PLXNC1: variants seen among roughly 807,000 people sequenced by gnomAD.
The protein encoded by PLXNC1 is plexin-C1.
A neutral mutation model predicts 178.2 loss-of-function variants in PLXNC1; 75 were observed. The ratio of observed to expected loss-of-function variants is 0.42; its 90% CI spans 0.35 to 0.51. The LOEUF (loss-of-function observed/expected upper bound fraction) is 0.51. PLXNC1 is among the 20% of genes least tolerant of loss of function. The probability of loss-of-function intolerance (pLI) is 0.02; values close to 1 mark genes in which losing one functional copy is unlikely to be tolerated. For missense variants in PLXNC1, 1,503 were observed against 1,984.4 expected (o/e 0.76, Z 4.61); for synonymous variants, 790 against 779.9 (o/e 1.01, Z -0.22).
intron 10 of PLXNC1, among the ~76,000 whole-genome samples, chr12:94,239,387 C>G (rs974635337): frequency 6.6e-6 from 1 of 152,230 alleles, no homozygotes; most frequent in Non-Finnish European, 1.5e-5. Context: ...TGTTCAACCA[C>G]TTTATGATAA....
chr12:94,262,719 A>T, intron 20 of PLXNC1: 2 of 985,402 alleles, frequency 2.0e-6, no homozygotes, highest in Non-Finnish European at 2.4e-6. Flanking sequence ...CTCCTGTCCT[A>T]CCCCACAGAC....
At chr12:94,272,714 G>A (rs1173091379) in intron 21 of PLXNC1, among the ~76,000 whole-genome samples, 1 of 152,206 alleles carries the variant, frequency 6.6e-6, no homozygotes, top group African/African-American at 2.4e-5. Flanking sequence ...GGAGCATACT[G>A]GCCACACCTG....
At chr12:94,171,263 G>A (rs1961833647) in intron 2 of PLXNC1, among the ~76,000 whole-genome samples, 1 of 152,150 alleles carries the variant, frequency 6.6e-6, no homozygotes, top group Non-Finnish European at 1.5e-5. Context: ...CCGAAGTCTC[G>A]CTCTCCTCAG....
intron 2 of PLXNC1, among the ~76,000 whole-genome samples, chr12:94,172,357 G>A (rs1180978567): frequency 6.6e-6 from 1 of 152,116 alleles, no homozygotes; most frequent in Non-Finnish European, 1.5e-5. Context: ...AGCAATTGGG[G>A]CCCAACTGCT....
chr12:94,239,367 T>C (rs879304127), intron 10 of PLXNC1, among the ~76,000 whole-genome samples: 2 of 152,266 alleles, frequency 1.3e-5, no homozygotes, highest in Non-Finnish European at 2.9e-5. Flanking sequence ...TAAACAAGTT[T>C]GAATTTTAAT....
intron 5 of PLXNC1, among the ~76,000 whole-genome samples, chr12:94,216,025 G>A (rs1160846202): frequency 6.6e-6 from 1 of 152,146 alleles, no homozygotes; most frequent in East Asian, 1.9e-4. Context: ...CAGCAGTTTG[G>A]GGACTGAGGC....
intron 2 of PLXNC1, among the ~76,000 whole-genome samples, chr12:94,177,539 A>AAGAGAAAG (rs1282411586): frequency 6.6e-6 from 1 of 151,570 alleles, no homozygotes; most frequent in African/African-American, 2.4e-5. Flanking sequence ...GAAAGAAAGA[A>AAGAGAAAG]AGAGAGAGAA....
At chr12:94,245,638 A>G (rs191831711) in intron 12 of PLXNC1, among the ~76,000 whole-genome samples, 55 of 152,302 alleles carry the variant, frequency 3.6e-4, no homozygotes, top group African/African-American at 1.2e-3. Flanking sequence ...CACATTAAAG[A>G]GAAATTAAAC....
chr12:94,248,702 A>G (rs1419457250), intron 14 of PLXNC1, among the ~76,000 whole-genome samples: 1 of 152,166 alleles, frequency 6.6e-6, no homozygotes, highest in Non-Finnish European at 1.5e-5. Context: ...AGGATCGGCA[A>G]GCAAAATCTC....
chr12:94,284,585 T>C (rs1044041706), intron 23 of PLXNC1, among the ~76,000 whole-genome samples: 4 of 152,112 alleles, frequency 2.6e-5, no homozygotes, highest in Admixed American at 6.6e-5. Context: ...TTCTATCCTA[T>C]AGCAGTCCTA....
rs761274013 is a variant in PLXNC1, at chr12:94,259,583, T to C, written c.3127-27T>C. 6.0e-6 allele frequency: 9 copies of C among 1,503,980 alleles called. No homozygotes were observed. In the Admixed American group the frequency reaches 6.2e-5, roughly 10 times the overall value. The allele number at this position is 1,503,980 out of a possible 1,614,324, so 93.2% of individuals were successfully genotyped here. A position where few individuals can be genotyped will look rare whatever the true frequency, so the allele number is the denominator to read the frequency against. On this transcript the variant is annotated intron_variant, in intron 18 of 30. Transcript: ENST00000258526. Reference sequence around the variant, plus strand: ...TAAACTTATATATGATTTTGTATTATACTATATATTTTTTTCTTTTTATCA... The same window carrying C: ...TAAACTTATATATGATTTTGTATTACACTATATATTTTTTTCTTTTTATCA...
intron 17 of PLXNC1, among the ~76,000 whole-genome samples, chr12:94,257,800 G>C (rs1301754947): frequency 2.0e-5 from 3 of 152,150 alleles, no homozygotes; most frequent in Non-Finnish European, 2.9e-5. Flanking sequence ...CCAGCTACTC[G>C]GGAGGCTGAG....
chr12:94,197,207 C>T (rs894935229), intron 4 of PLXNC1, among the ~76,000 whole-genome samples: 6 of 151,950 alleles, frequency 3.9e-5, no homozygotes, highest in African/African-American at 1.4e-4. Context: ...TGCAGAGTCC[C>T]CTTTGCCATG....
At position 94,297,364 on chromosome 12, in the gene PLXNC1, C is replaced by G; in HGVS notation, c.4015C>G (p.Arg1339Gly). 6.2e-7 allele frequency: 1 copy of G among 1,613,878 alleles called. No homozygotes were observed. The highest frequency in any genetic ancestry group is 1.1e-5 in the South Asian group (1 of 91,066). The change falls in exon 26 of 31, where the codon CGA becomes GGA. Residue 1339 changes from arginine (R) to glycine (G), a missense_variant. Around this residue, in one of 4 missense-constraint regions of PLXNC1, gnomAD observed 639 missense variants for 979.7 expected, o/e 0.65. Coordinates refer to ENST00000258526, the MANE Select transcript of PLXNC1 (RefSeq NM_005761.3). ...CCAAGATGTGCAAGGAAAGAGACAT[C>G]GAGGGAAGCACAAGTTCAAAGTAAA... ...AFQDVQGKRH[R>G]GKHKFKVKEM...
chr12:94,297,253 A>G (rs886548387), intron 25 of PLXNC1, 33 bp downstream of exon 25: 2 of 1,613,616 alleles, frequency 1.2e-6, no homozygotes, highest in Non-Finnish European at 1.7e-6. Context: ...TCACCACTGA[A>G]CTGCATGCCT....
At chr12:94,273,758 G>A (rs1278016985) in intron 21 of PLXNC1, among the ~76,000 whole-genome samples, 3 of 152,130 alleles carry the variant, frequency 2.0e-5, no homozygotes, top group Non-Finnish European at 2.9e-5. Context: ...ATCAATAGAC[G>A]AATCTACCTC....
intron 30 of PLXNC1, 92 bp downstream of exon 30, chr12:94,304,143 C>A: frequency 1.2e-6 from 1 of 809,676 alleles, no homozygotes; most frequent in Non-Finnish European, 2.0e-6. Flanking sequence ...GCTCTGGCAT[C>A]CCAAAAGGCC....
chr12:94,250,028 G>A lies in PLXNC1; in HGVS notation c.2779-1398G>A, dbSNP rs1403510321. ...AGGCCTGCTTGTGAAAGTGACATCTGTATAAGGAGGAGTGGGAACAAGCCA... is the reference window on the plus strand; with the variant it reads ...AGGCCTGCTTGTGAAAGTGACATCTATATAAGGAGGAGTGGGAACAAGCCA... On this transcript the variant is annotated intron_variant, in intron 14 of 30. Coordinates refer to ENST00000258526, the MANE Select transcript of PLXNC1 (RefSeq NM_005761.3). 3.3e-5 allele frequency among the ~76,000 whole-genome samples: 5 copies of A among 152,052 alleles called. No homozygotes were observed. In the South Asian group the frequency reaches 8.3e-4, roughly 25 times the overall value.
chr12:94,254,372 G>A, intron 15 of PLXNC1: 1 of 374,710 alleles, frequency 2.7e-6, no homozygotes, highest in East Asian at 7.2e-5. Context: ...TACGTTTGCA[G>A]CACAACTTTA....
Sources: gnomAD v4.1 joint callset for allele counts (sites outside exome capture counted in the v4.1 genomes callset) on GRCh38, gnomAD v4.1.1 for gene constraint, gnomAD v4.1.1 regional missense constraint, MANE v1.5 for transcripts, NCBI Gene and HGNC (gene_info 2026-07-23, HGNC 2026-07-21) for gene names.